The following KANK2 variants were observed in gnomAD, a reference collection of about 807,000 sequenced individuals.
KANK2 encodes the protein KN motif and ankyrin repeat domains 2.
KANK2 carries 41 observed loss-of-function variants against 74.6 expected under a neutral mutation model. That is an observed-to-expected ratio of 0.55 (90% confidence interval 0.43 to 0.71). The LOEUF is 0.71. Among genes scored for constraint, KANK2 ranks in the 30% least tolerant of loss-of-function variants. The pLI is 0.00. For missense variants in KANK2, 1,148 were observed against 1,196.4 expected, an observed-to-expected ratio of 0.96 and a Z score of 0.60; for synonymous variants, 537 against 519.0, an observed-to-expected ratio of 1.03 and a Z score of -0.47.
At chr19:11,192,558 C>T (rs1453404619) in intron 4 of KANK2, 2 of 398,930 alleles carry the variant, frequency 5.0e-6, no homozygotes, top group African/African-American at 2.1e-5. Flanking sequence ...CCTCAGCCTC[C>T]TGGGTAGCTG....
chr19:11,192,809 C>G, intron 4 of KANK2, 22 bp downstream of exon 4: 1 of 1,602,798 alleles, frequency 6.2e-7, no homozygotes. Context: ...CCATTCTCCC[C>G]TGCCTGCCTG....
Position 11,170,081 on chromosome 19 carries a change from G to A in KANK2, c.2379C>T (p.Ala793=), listed in dbSNP as rs151163966. 8.6e-5 allele frequency: 139 copies of A among 1,613,690 alleles called. No homozygotes were observed. The East Asian group carries it at 2.7e-3, about 31-fold the overall frequency. ...TGAGTGAGATGTCACAGCTGGGCAC[G>A]GCCAGCAGCAGCCCCGCGATCTCCT... The part of the protein sequence containing the change: ...GHKEIAGLLL[A]VPSCDISLTD... The change falls in exon 11 of 13, where the codon GCC becomes GCT. Residue 793 remains alanine (A), a synonymous_variant. Coordinates refer to ENST00000586659, the MANE Select transcript of KANK2 (RefSeq NM_001136191.3). The surrounding 1 kb of genome is among the most constrained non-coding windows in gnomAD (Gnocchi z 5.2).
chr19:11,178,038 T>C (rs1309449382), intron 6 of KANK2, among the ~76,000 whole-genome samples: 3 of 152,080 alleles, frequency 2.0e-5, no homozygotes, highest in Admixed American at 2.0e-4. Context: ...AGCTCCCCAC[T>C]GGACCAGGAG....
In KANK2 at chr19:11,176,000, C is replaced by T; in HGVS notation, c.1761-11G>A. ...GGGCTTAGCTCCATCCTGCCAGGAA[C>T]AGACAAAGCGGGGAACTAAGTAAGC... On this transcript the variant is annotated splice_polypyrimidine_tract_variant and intron_variant, in intron 7 of 12. Transcript: ENST00000586659. 3 of 1,610,864 alleles carry T rather than the reference C, an allele frequency of 1.9e-6. No homozygotes were observed. Among genetic ancestry groups the T allele is most frequent in the South Asian group, 2.2e-5 (2 of 90,582 alleles).
rs1225216577 is a variant in KANK2 at position 11,174,710 on chromosome 19, G to A, written c.1849-18C>T. The A allele has an allele frequency of 5.1e-6, 8 of 1,572,930 alleles. No homozygotes were observed. In the Admixed American group the frequency reaches 9.0e-5, roughly 18 times the overall value. On this transcript the variant is annotated intron_variant, in intron 8 of 12. Transcript: ENST00000586659. ...GCCACTTTCTGCATGCGAGTCAGGTGGGAGAGGATGTGAGGGCGGGGGAGG... is the reference window on the plus strand; with the variant it reads ...GCCACTTTCTGCATGCGAGTCAGGTAGGAGAGGATGTGAGGGCGGGGGAGG...
In KANK2 at chr19:11,169,806, C is replaced by CA. The variant is rs776531186; in HGVS notation, c.2502+70dup. ...ACAGAGTGAGACTCTGCCTCAAAAA[C>CA]AAAAACAACAAATCTCTGTCCTTTC... On this transcript the variant is annotated intron_variant, in intron 12 of 12. Transcript: ENST00000586659. The CA allele has an allele frequency of 1.3e-5, 18 of 1,356,044 alleles. No homozygotes were observed. In the Middle Eastern group the frequency reaches 7.1e-4, roughly 54 times the overall value. The allele number at this position is 1,356,044 out of a possible 1,614,324, so 84.0% of individuals were successfully genotyped here. A position where few individuals can be genotyped will look rare whatever the true frequency, so the allele number is the denominator to read the frequency against.
intron 6 of KANK2, among the ~76,000 whole-genome samples, chr19:11,177,641 C>T (rs887677405): frequency 3.3e-5 from 5 of 152,132 alleles, no homozygotes; most frequent in Middle Eastern, 3.2e-3. Context: ...TGTGAGCCAC[C>T]GCGCCCGGCC....
chr19:11,176,882 G>A (rs987207395), intron 6 of KANK2, 65 bp from the exon 7 acceptor site: 7 of 1,478,318 alleles, frequency 4.7e-6, no homozygotes, highest in African/African-American at 4.2e-5. Context: ...GGGAAAGGAA[G>A]GCAGGGATCT....
chr19:11,182,278 G>A (rs1459105505), intron 4 of KANK2, among the ~76,000 whole-genome samples: 1 of 151,992 alleles, frequency 6.6e-6, no homozygotes, highest in Non-Finnish European at 1.5e-5. Context: ...AAAAATTTGA[G>A]AGGCTGAGGC....
intron 12 of KANK2, 38 bp downstream of exon 12, chr19:11,169,839 C>T: frequency 6.6e-7 from 1 of 1,511,980 alleles, no homozygotes; most frequent in Non-Finnish European, 9.2e-7. Flanking sequence ...TTCAGAGACC[C>T]ACCCATCCCG....
rs1279815106 is a variant in KANK2 at position 11,184,466 on chromosome 19, CA to C, written c.1250-5747del. Among the ~76,000 whole-genome samples, 3 of 150,174 alleles carry C rather than the reference CA, an allele frequency of 2.0e-5. 1 individual carries two copies. Among genetic ancestry groups the C allele is most frequent in the African/African-American group, 7.3e-5 (3 of 40,836 alleles). On this transcript the variant is annotated intron_variant, in intron 4 of 12. Transcript: ENST00000586659. ...GGAGTTTGGCACAGGCAAAAATTGGCAAGGGATAATCTTCTAGAACAGGGTC... is the reference window on the plus strand; with the variant it reads ...GGAGTTTGGCACAGGCAAAAATTGGCAGGGATAATCTTCTAGAACAGGGTC...
At position 11,176,834 on chromosome 19, in the gene KANK2, G is replaced by C. The variant is rs746458095; in HGVS notation, c.1521-17C>G. On this transcript the variant is annotated splice_polypyrimidine_tract_variant and intron_variant, in intron 6 of 12. Coordinates refer to ENST00000586659, the MANE Select transcript of KANK2 (RefSeq NM_001136191.3). ...GACTCATACCTGGGGAGGAACGAGCGGGGAGGGGGAGATGCTGCAGGTGGG... is the reference window on the plus strand; with the variant it reads ...GACTCATACCTGGGGAGGAACGAGCCGGGAGGGGGAGATGCTGCAGGTGGG... 11 of 1,494,972 alleles carry C rather than the reference G, an allele frequency of 7.4e-6. No homozygotes were observed. The East Asian group carries it at 9.6e-5, about 13-fold the overall frequency. 92.6% of individuals were successfully genotyped at this position (1,494,972 alleles called of 1,614,324 possible).
chr19:11,184,119 G>A (rs1007200612), intron 4 of KANK2, among the ~76,000 whole-genome samples: 4 of 152,260 alleles, frequency 2.6e-5, no homozygotes, highest in Admixed American at 2.6e-4. Flanking sequence ...GCTCATGCCT[G>A]TAATCCCAAC....
intron 10 of KANK2, among the ~76,000 whole-genome samples, chr19:11,172,654 T>C (rs1408525353): frequency 6.6e-6 from 1 of 152,158 alleles, no homozygotes; most frequent in African/African-American, 2.4e-5. Context: ...CCTAAAATGC[T>C]TATGGCTTGA....
chr19:11,174,618 C>T lies in KANK2; in HGVS notation c.1923G>A (p.Val641=), dbSNP rs1268096300. ...ACRSDAHPEL[V]RRHLVTFRAM... is the part of the protein sequence containing the mutation. Reference sequence around the variant, plus strand: ...CCCGGAACGTGACCAGGTGCCGCCGCACCAGCTCGGGGTGTGCGTCGCTGC... The same window carrying T: ...CCCGGAACGTGACCAGGTGCCGCCGTACCAGCTCGGGGTGTGCGTCGCTGC... The change falls in exon 9 of 13, where the codon GTG becomes GTA. Residue 641 remains valine (V), a synonymous_variant. Transcript: ENST00000586659. 2 of 1,612,542 alleles carry T rather than the reference C, an allele frequency of 1.2e-6. No homozygotes were observed. The highest frequency in any genetic ancestry group is 1.7e-6 in the Non-Finnish European group (2 of 1,179,772).
At chr19:11,184,394 A>C (rs1230433252) in intron 4 of KANK2, among the ~76,000 whole-genome samples, 1 of 150,144 alleles carries the variant, frequency 6.7e-6, no homozygotes, top group Non-Finnish European at 1.5e-5. Context: ...AAACAAAAAC[A>C]AAAATGAAGA....
At position 11,176,582 on chromosome 19, in the gene KANK2, T is replaced by C. The variant is rs780475622; in HGVS notation, c.1756A>G (p.Ile586Val). The change falls in exon 7 of 13, where the codon ATC (isoleucine) becomes GTC (valine). Residue 586 changes from isoleucine to valine, a missense_variant. Physicochemically the swap from Ile to Val is conservative, Grantham distance 29. Transcript: ENST00000586659. ...GASGSNTEEE[I>V]RMELSPDLIS... Reference sequence around the variant, plus strand: ...CCTCCTACCCAGAAAACTGACCTGATCTCCTCCTCCGTGTTTGATCCTGAT... The same window carrying C: ...CCTCCTACCCAGAAAACTGACCTGACCTCCTCCTCCGTGTTTGATCCTGAT... 2.0e-5 allele frequency: 31 copies of C among 1,579,928 alleles called. No homozygotes were observed. In the Admixed American group the frequency reaches 2.7e-4, roughly 14 times the overall value.
At chr19:11,169,564 A>G (rs2078113410) in intron 12 of KANK2, 2 of 499,458 alleles carry the variant, frequency 4.0e-6, no homozygotes, top group East Asian at 7.0e-5. Context: ...GCACTTTGGG[A>G]GGCTAAGGCA....
chr19:11,184,388 A>G (rs1343182943), intron 4 of KANK2, among the ~76,000 whole-genome samples: 1 of 150,132 alleles, frequency 6.7e-6, no homozygotes, highest in Non-Finnish European at 1.5e-5. Flanking sequence ...AAACAAAAAC[A>G]AAAACAAAAA....
Sources: allele counts gnomAD v4.1 joint callset (sites outside exome capture counted in the v4.1 genomes callset), GRCh38; gene constraint gnomAD v4.1.1; non-coding constraint Gnocchi (gnomAD v3.1); transcripts MANE v1.5; gene names NCBI Gene and HGNC (gene_info 2026-07-23, HGNC 2026-07-21).